FLI1: variants seen among roughly 807,000 people sequenced by gnomAD.
The protein encoded by FLI1 is Friend leukemia integration 1 transcription factor.
FLI1 carries 13 observed loss-of-function variants against 53.1 expected under a neutral mutation model. That is an observed-to-expected ratio of 0.24 (90% confidence interval 0.16 to 0.39). The LOEUF (loss-of-function observed/expected upper bound fraction) is 0.39. Ranked by LOEUF, FLI1 falls within the 10% of genes least tolerant of loss-of-function variation. FLI1 has a pLI of 1.00. For synonymous variants in FLI1, 244 were observed against 236.7 expected (o/e 1.03, Z -0.28); for missense variants, 424 against 600.5 (o/e 0.71, Z 3.07).
chr11:128,697,336 TA>T (rs1938123522), intron 1 of FLI1, among the ~76,000 whole-genome samples: 2 of 152,144 alleles, frequency 1.3e-5, no homozygotes, highest in Non-Finnish European at 2.9e-5. Flanking sequence ...AGGTGGGAAA[TA>T]GAGAATGAAC....
chr11:128,703,434 G>A (rs1447069133), intron 1 of FLI1, among the ~76,000 whole-genome samples: 1 of 152,178 alleles, frequency 6.6e-6, no homozygotes, highest in Non-Finnish European at 1.5e-5. Flanking sequence ...AACAAAGGAG[G>A]AAAGATTCAT....
At chr11:128,711,540 C>G (rs1170599914) in intron 1 of FLI1, among the ~76,000 whole-genome samples, 1 of 152,152 alleles carries the variant, frequency 6.6e-6, no homozygotes, top group Non-Finnish European at 1.5e-5. Context: ...TGGAATTTAT[C>G]AAAAGGATAG....
chr11:128,719,229 G>A (rs1342082886), intron 1 of FLI1, among the ~76,000 whole-genome samples: 3 of 151,562 alleles, frequency 2.0e-5, no homozygotes, highest in Admixed American at 6.6e-5. Context: ...TGCCATTTCC[G>A]GCCATGTGAC....
At chr11:128,764,086 C>G (rs1941236187) in intron 2 of FLI1, among the ~76,000 whole-genome samples, 1 of 152,176 alleles carries the variant, frequency 6.6e-6, no homozygotes, top group Admixed American at 6.5e-5. Context: ...TGACAGTGAG[C>G]CTGGGCTCAG....
Position 128,803,246 on chromosome 11 carries a change from T to C in FLI1, c.656-2120T>C, listed in dbSNP as rs568056760. 8.6e-5 allele frequency among the ~76,000 whole-genome samples: 13 copies of C among 151,802 alleles called. No homozygotes were observed. The East Asian group carries it at 2.5e-3, about 29-fold the overall frequency. On this transcript the variant is annotated intron_variant, in intron 5 of 8. Coordinates refer to ENST00000527786, the MANE Select transcript of FLI1 (RefSeq NM_002017.5). ...CAGATCCACCCCACATACCACAAGC[T>C]CATTCTTCACCACACCCTGTTTTCT...
rs964778029 is a variant in FLI1, at chr11:128,811,202, T to C, written c.*214T>C. 2 of 572,804 alleles carry C rather than the reference T, an allele frequency of 3.5e-6. No individual in the cohort carries two copies. Among genetic ancestry groups the C allele is most frequent in the Non-Finnish European group, 6.1e-6 (2 of 325,504 alleles). 35.5% of individuals were successfully genotyped at this position (572,804 alleles called of 1,614,324 possible). A position where few individuals can be genotyped will look rare whatever the true frequency, so the allele number is the denominator to read the frequency against. The stretch of plus-strand genomic sequence containing the variant: ...CTGAACAAAGAGATGAATAATTCCA[T>C]GGGCCAGTATGCCAGTTTGAATTCT... On this transcript the variant is annotated 3_prime_UTR_variant, in exon 9 of 9. Coordinates refer to ENST00000527786, the MANE Select transcript of FLI1 (RefSeq NM_002017.5).
chr11:128,771,926 A>G (rs184519229), intron 3 of FLI1, among the ~76,000 whole-genome samples: 196 of 152,244 alleles, frequency 1.3e-3, no homozygotes, highest in African/African-American at 4.6e-3. Flanking sequence ...TTGGTTGCCA[A>G]GTGAAGAGAT....
chr11:128,758,121 C>T lies in FLI1; in HGVS notation c.25C>T (p.Leu9=). ...CTCTTCTCTGGCCCTGCAGGAGGCT[C>T]TGTCGGTGGTGAGCGACGACCAGTC... MDGTIKEA[L]SVVSDDQSLF... The change falls in exon 2 of 9, where the codon CTG becomes TTG. Residue 9 remains leucine, a synonymous_variant. Coordinates refer to ENST00000527786, the MANE Select transcript of FLI1 (RefSeq NM_002017.5). The T allele has an allele frequency of 6.2e-7, 1 of 1,611,754 alleles. No homozygotes were observed. Among genetic ancestry groups the T allele is most frequent in the Non-Finnish European group, 8.5e-7 (1 of 1,178,978 alleles).
chr11:128,782,732 A>C (rs7947404), intron 5 of FLI1, among the ~76,000 whole-genome samples: 28,499 of 152,132 alleles, frequency 0.19, 4,329 homozygotes, highest in African/African-American at 0.42. Flanking sequence ...TCATTTTTAA[A>C]GTGGTGGCTT....
chr11:128,703,219 C>G (rs2135705653), intron 1 of FLI1, among the ~76,000 whole-genome samples: 1 of 152,342 alleles, frequency 6.6e-6, no homozygotes, highest in Middle Eastern at 3.4e-3. Context: ...ATGTCACTGT[C>G]TTATCCTCTT....
At chr11:128,807,767 T>C (rs1942824711) in intron 7 of FLI1, among the ~76,000 whole-genome samples, 1 of 152,164 alleles carries the variant, frequency 6.6e-6, no homozygotes. Flanking sequence ...TACTTGTGCT[T>C]GTAGTAAAAC....
At chr11:128,780,735 T>G (rs1941889117) in intron 4 of FLI1, among the ~76,000 whole-genome samples, 1 of 152,188 alleles carries the variant, frequency 6.6e-6, no homozygotes, top group Non-Finnish European at 1.5e-5. Context: ...GACTGGAGAC[T>G]AAAAATAGGG....
chr11:128,773,064 C>T (rs920270401), intron 4 of FLI1, 79 bp downstream of exon 4: 24 of 1,360,656 alleles, frequency 1.8e-5, no homozygotes, highest in South Asian at 7.2e-5. Context: ...CAGTGCTGCC[C>T]GTTCGTGTTG....
intron 1 of FLI1, among the ~76,000 whole-genome samples, chr11:128,699,277 T>C (rs1938220365): frequency 6.6e-6 from 1 of 152,220 alleles, no homozygotes; most frequent in South Asian, 2.1e-4. Flanking sequence ...TCTAGGTATA[T>C]AGCATTAGTC....
intron 4 of FLI1, among the ~76,000 whole-genome samples, chr11:128,776,477 C>G (rs1208129334): frequency 6.6e-6 from 1 of 152,202 alleles, no homozygotes; most frequent in South Asian, 2.1e-4. Flanking sequence ...GTGGTGAAAC[C>G]CCGTCTCTAC....
chr11:128,770,792 G>A (rs149512606), intron 3 of FLI1, among the ~76,000 whole-genome samples: 1 of 152,194 alleles, frequency 6.6e-6, no homozygotes, highest in African/African-American at 2.4e-5. Flanking sequence ...ATTCTGAAAA[G>A]GTGCAAAATT....
upstream of FLI1, chr11:128,692,175 C>T (rs547050722): frequency 6.6e-6 from 1 of 152,238 alleles, no homozygotes; most frequent in Admixed American, 6.5e-5. Context: ...CTTCCTTTCC[C>T]GTTAACCTCT....
intron 5 of FLI1, among the ~76,000 whole-genome samples, chr11:128,795,839 T>G (rs1942425362): frequency 3.3e-5 from 5 of 152,224 alleles, no homozygotes; most frequent in Admixed American, 3.3e-4. Flanking sequence ...CGTGAGCCAC[T>G]GCGCCCAGCC....
intron 2 of FLI1, 27 bp from the exon 3 acceptor site, chr11:128,768,091 T>C (rs763185975): frequency 1.3e-6 from 2 of 1,590,772 alleles, no homozygotes; most frequent in Non-Finnish European, 1.7e-6. Flanking sequence ...GCTGACCGCC[T>C]CTGGGCTTTG....
Sources: gnomAD v4.1 joint callset for allele counts (sites outside exome capture counted in the v4.1 genomes callset) on GRCh38, gnomAD v4.1.1 for gene constraint, MANE v1.5 for transcripts, NCBI Gene and HGNC (gene_info 2026-07-23, HGNC 2026-07-21) for gene names.